The following HORMAD2 variants were observed in gnomAD, a reference collection of about 807,000 sequenced individuals.
The protein encoded by HORMAD2 is HORMA domain containing 2.
In HORMAD2, 45 loss-of-function variants were observed where a neutral mutation model predicts 38.8. The observed-to-expected ratio is 1.16, with a 90% CI of 0.91 to 1.49. The LOEUF (loss-of-function observed/expected upper bound fraction) is 1.49, where lower values mean the gene tolerates loss of function less well. HORMAD2 is among the 40% of genes most tolerant of loss of function. The pLI is 0.00. For synonymous variants in HORMAD2, 126 were observed against 122.8 expected (o/e 1.03, Z -0.17); for missense variants, 338 against 367.0 (o/e 0.92, Z 0.65).
chr22:30,112,355 G>T, intron 6 of HORMAD2, 141 bp from the exon 7 acceptor site: 1 of 575,528 alleles, frequency 1.7e-6, no homozygotes, highest in Non-Finnish European at 3.1e-6. Context: ...CACAAAATAA[G>T]CATATCCTAT....
At chr22:30,169,831 T>C (rs867718752) in intron 10 of HORMAD2, among the ~76,000 whole-genome samples, 5 of 152,224 alleles carry the variant, frequency 3.3e-5, no homozygotes, top group Admixed American at 2.0e-4. Context: ...CAAACTTGGA[T>C]AATTTTTGTC....
intron 10 of HORMAD2, among the ~76,000 whole-genome samples, chr22:30,148,696 G>A (rs1456856400): frequency 6.6e-6 from 1 of 152,080 alleles, no homozygotes; most frequent in African/African-American, 2.4e-5. Context: ...GAAGTACTGT[G>A]TATTCCTTAA....
chr22:30,126,602 A>C (rs1922885299), intron 10 of HORMAD2, among the ~76,000 whole-genome samples: 1 of 152,172 alleles, frequency 6.6e-6, no homozygotes, highest in Non-Finnish European at 1.5e-5. Context: ...TAATTTGGAT[A>C]ATTTATAATT....
At chr22:30,110,935 A>T (rs1277428944) in intron 5 of HORMAD2, among the ~76,000 whole-genome samples, 3 of 151,700 alleles carry the variant, frequency 2.0e-5, no homozygotes, top group Non-Finnish European at 4.4e-5. Flanking sequence ...AGGTGGGTGG[A>T]TCACAAGGTC....
At chr22:30,119,392 G>T (rs988731716) in intron 8 of HORMAD2, among the ~76,000 whole-genome samples, 3 of 152,164 alleles carry the variant, frequency 2.0e-5, no homozygotes, top group Non-Finnish European at 4.4e-5. Context: ...CCTCGATATA[G>T]CCAGCCTGTG....
chr22:30,087,097 G>T (rs1310983441), intron 1 of HORMAD2, among the ~76,000 whole-genome samples: 1 of 152,168 alleles, frequency 6.6e-6, no homozygotes, highest in African/African-American at 2.4e-5. Context: ...CTGACCTCAG[G>T]TGATCCGCCC....
intron 10 of HORMAD2, among the ~76,000 whole-genome samples, chr22:30,128,579 G>A (rs572823064): frequency 1.5e-4 from 23 of 152,120 alleles, no homozygotes; most frequent in Non-Finnish European, 2.5e-4. Context: ...ATTTTTCTAC[G>A]AATATAGTAT....
Position 30,098,893 on chromosome 22 carries a change from A to G in HORMAD2, c.93A>G (p.Ser31=), listed in dbSNP as rs1369075025. 19 of 1,613,538 alleles carry G rather than the reference A, an allele frequency of 1.2e-5. No individual in the cohort carries two copies. The highest frequency in any genetic ancestry group is 1.6e-5 in the Non-Finnish European group (19 of 1,179,696). Reference sequence around the variant, plus strand: ...CCCAAATCACTAATGAGCATGAGTCATTGAAAATGGTGAAGAAACTTTTTG... The same window carrying G: ...CCCAAATCACTAATGAGCATGAGTCGTTGAAAATGGTGAAGAAACTTTTTG... ...FPSQITNEHE[S]LKMVKKLFAT... The change falls in exon 3 of 11, where the codon TCA becomes TCG. Residue 31 remains serine, a synonymous_variant. Coordinates refer to ENST00000336726, the MANE Select transcript of HORMAD2 (RefSeq NM_152510.4).
In HORMAD2 at chr22:30,176,297, TG is replaced by T. The variant is rs1926456491; in HGVS notation, c.*131del. The stretch of plus-strand genomic sequence containing the variant: ...TCTAAATTTTTTGCTCAATTTTTTT[TG>T]TCAGTTGCTAAGTGCTAAATTACTG... On this transcript the variant is annotated 3_prime_UTR_variant, in exon 11 of 11. Coordinates refer to ENST00000336726, the MANE Select transcript of HORMAD2 (RefSeq NM_152510.4). The T allele has an allele frequency of 9.0e-6, 6 of 667,054 alleles. No individual in the cohort carries two copies. Among genetic ancestry groups the T allele is most frequent in the Non-Finnish European group, 1.5e-5 (6 of 398,254 alleles). The allele number at this position is 667,054 out of a possible 1,614,324, so 41.3% of individuals were successfully genotyped here. A position where few individuals can be genotyped will look rare whatever the true frequency, so the allele number is the denominator to read the frequency against.
the HORMAD2 span, among the ~76,000 whole-genome samples, chr22:30,191,634 C>T: frequency 1.1e-4 from 16 of 152,180 alleles, no homozygotes; most frequent in Non-Finnish European, 4.4e-5. Context: ...GTGGACTTCA[C>T]GTTATTACAT....
At chr22:30,115,434 A>G (rs1921968977) in intron 7 of HORMAD2, among the ~76,000 whole-genome samples, 1 of 152,212 alleles carries the variant, frequency 6.6e-6, no homozygotes, top group Admixed American at 6.5e-5. Flanking sequence ...AGATTGCCTC[A>G]TAAACTTAAC....
chr22:30,103,584 T>C (rs1920979527), intron 4 of HORMAD2, 84 bp downstream of exon 4: 2 of 567,396 alleles, frequency 3.5e-6, no homozygotes, highest in Non-Finnish European at 6.2e-6. Flanking sequence ...TTTAGTAAGA[T>C]CATTTTTTAA....
chr22:30,147,704 A>G (rs969661162), intron 10 of HORMAD2, among the ~76,000 whole-genome samples: 4 of 152,204 alleles, frequency 2.6e-5, no homozygotes, highest in Non-Finnish European at 5.9e-5. Context: ...CTTAATACCT[A>G]TATCTGACAA....
the HORMAD2 span, among the ~76,000 whole-genome samples, chr22:30,201,584 A>T: frequency 4.6e-5 from 7 of 151,752 alleles, no homozygotes; most frequent in African/African-American, 1.7e-4. Flanking sequence ...CGCCCGGCTA[A>T]TTTTTGTATT....
chr22:30,123,084 A>G (rs750294249), intron 10 of HORMAD2, among the ~76,000 whole-genome samples: 1 of 152,182 alleles, frequency 6.6e-6, no homozygotes, highest in Non-Finnish European at 1.5e-5. Flanking sequence ...TTAACTCTGT[A>G]TTATGTTTAA....
At chr22:30,116,081 G>A (rs1922023333) in intron 7 of HORMAD2, among the ~76,000 whole-genome samples, 1 of 152,018 alleles carries the variant, frequency 6.6e-6, no homozygotes, top group Admixed American at 6.5e-5. Flanking sequence ...ATTTAGGGCA[G>A]TGCCTGAATA....
chr22:30,100,596 A>G (rs1920936062), intron 3 of HORMAD2, among the ~76,000 whole-genome samples: 1 of 152,226 alleles, frequency 6.6e-6, no homozygotes, highest in South Asian at 2.1e-4. Context: ...GGAACTAATT[A>G]AACCAAAGAG....
intron 10 of HORMAD2, among the ~76,000 whole-genome samples, chr22:30,152,286 C>A (rs1312827238): frequency 6.6e-6 from 1 of 152,142 alleles, no homozygotes; most frequent in Non-Finnish European, 1.5e-5. Flanking sequence ...CAGCTTTGAA[C>A]TCCTGGGCTC....
chr22:30,097,203 C>T lies in HORMAD2; in HGVS notation c.52-1649C>T, dbSNP rs185746874. ...CAGTAAACATTGTGTATACAATAAA[C>T]ATAGTATGTCAAACATATGTTGAAA... On this transcript the variant is annotated intron_variant, in intron 2 of 10. Transcript: ENST00000336726. Among the ~76,000 whole-genome samples the T allele has an allele frequency of 4.0e-3, 607 of 152,220 alleles. 3 individuals are homozygous for T. Among genetic ancestry groups the T allele is most frequent in the Non-Finnish European group, 5.3e-3 (361 of 68,014 alleles).
Sources: gnomAD v4.1 joint callset for allele counts (sites outside exome capture counted in the v4.1 genomes callset) on GRCh38, gnomAD v4.1.1 for gene constraint, MANE v1.5 for transcripts, NCBI Gene and HGNC (gene_info 2026-07-23, HGNC 2026-07-21) for gene names.